LSR: variants seen among roughly 807,000 people sequenced by gnomAD.
LSR encodes lipolysis stimulated lipoprotein receptor.
Under a neutral mutation model 61.8 loss-of-function variants are expected in LSR, and 44 were observed. The ratio of observed to expected loss-of-function variants is 0.71; its 90% CI spans 0.56 to 0.91. The LOEUF (loss-of-function observed/expected upper bound fraction) is 0.91, where lower values mean the gene tolerates loss of function less well. Among genes scored for constraint, LSR ranks in the 40% least tolerant of loss-of-function variants. The pLI is 0.00. For missense variants in LSR, 911 were observed against 830.5 expected (o/e 1.10, Z -1.19); for synonymous variants, 397 against 350.6 (o/e 1.13, Z -1.48).
intron 2 of LSR, among the ~76,000 whole-genome samples, chr19:35,258,461 A>C (rs952573849): frequency 1.3e-5 from 2 of 151,842 alleles, no homozygotes; most frequent in Non-Finnish European, 1.5e-5. Flanking sequence ...CAAACAAAAA[A>C]AAAAAAAAGC....
Position 35,258,963 on chromosome 19 carries a change from A to G in LSR, c.473A>G (p.Asp158Gly). 6.2e-7 allele frequency: 1 copy of G among 1,613,836 alleles called. No homozygotes were observed. The highest frequency in any genetic ancestry group is 8.5e-7 in the Non-Finnish European group (1 of 1,179,942). The change falls in exon 3 of 10, where the codon GAC (aspartate) becomes GGC (glycine). Residue 158 changes from aspartate to glycine, a missense_variant. Transcript: ENST00000605618. ...GACTCAGATGCTGACCTGACCTTTG[A>G]CCAGACGGCGTGGGGGGACAGTGGT... Reference protein sequence around the residue: ...TITGNADLTFDQTAWGDSGVY... With the variant: ...TITGNADLTFGQTAWGDSGVY...
chr19:35,249,245 T>C (rs2145485398), intron 1 of LSR, 114 bp downstream of exon 1: 1 of 1,291,442 alleles, frequency 7.7e-7, no homozygotes, highest in South Asian at 1.5e-5. Context: ...GGCTGGGACC[T>C]TCCGATCCCC....
chr19:35,264,902 C>G (rs1052492099), intron 5 of LSR: 1 of 152,078 alleles, frequency 6.6e-6, no homozygotes, highest in African/African-American at 2.4e-5. Context: ...TCAGTAGTGA[C>G]TGAGGGACAG....
At chr19:35,250,786 G>A in intron 2 of LSR, 127 bp downstream of exon 2, 1 of 654,816 alleles carries the variant, frequency 1.5e-6, no homozygotes, top group Non-Finnish European at 2.4e-6. Context: ...ACCATTGAAG[G>A]GAGCAATTCT....
At chr19:35,252,648 CAAA>C (rs57052855) in intron 2 of LSR, among the ~76,000 whole-genome samples, 11 of 74,746 alleles carry the variant, frequency 1.5e-4, no homozygotes, top group Admixed American at 3.0e-4. Flanking sequence ...GACTCTGTCT[CAAA>C]AAAAAAAAAA....
chr19:35,250,469 C>T lies in LSR; in HGVS notation c.264C>T (p.Ile88=), dbSNP rs1422573650. ...ACAAGTCTTTCTGCCGGGACCGCAT[C>T]GCCGATGCCTTCTCCCCGGCCAGCG... The part of the protein sequence containing the change: ...WKYKSFCRDR[I]ADAFSPASVD... The change falls in exon 2 of 10, where the codon ATC becomes ATT. Residue 88 remains isoleucine (I), a synonymous_variant. Coordinates refer to ENST00000605618, the MANE Select transcript of LSR (RefSeq NM_205834.4). 6.2e-6 allele frequency: 10 copies of T among 1,613,972 alleles called. No individual in the cohort carries two copies. Among genetic ancestry groups the T allele is most frequent in the Admixed American group, 3.3e-5 (2 of 59,988 alleles).
chr19:35,249,407 G>A, intron 1 of LSR: 1 of 471,218 alleles, frequency 2.1e-6, no homozygotes, highest in Non-Finnish European at 3.7e-6. Flanking sequence ...AACTCTTTGT[G>A]GGGAGGGAGT....
At chr19:35,251,723 GTCCTC>G (rs2065794126) in intron 2 of LSR, 1 of 152,146 alleles carries the variant, frequency 6.6e-6, no homozygotes, top group East Asian at 1.9e-4. Context: ...CTCCCATTGA[GTCCTC>G]TCCTCTACCC....
At chr19:35,261,739 C>T (rs933488751) in intron 3 of LSR, among the ~76,000 whole-genome samples, 186 bp from the exon 4 acceptor site, 2 of 152,190 alleles carry the variant, frequency 1.3e-5, no homozygotes, top group African/African-American at 4.8e-5. Context: ...ATGGGAGTTT[C>T]TTACCTATAA....
chr19:35,249,031 G>T lies in LSR; in HGVS notation c.9G>T (p.Leu3=), dbSNP rs761026649. The T allele has an allele frequency of 6.3e-7, 1 of 1,599,862 alleles. No homozygotes were observed. Among genetic ancestry groups the T allele is most frequent in the South Asian group, 1.1e-5 (1 of 89,956 alleles). The change falls in exon 1 of 10, where the codon CTG becomes CTT. Residue 3 remains leucine (L), a synonymous_variant. Coordinates refer to ENST00000605618, the MANE Select transcript of LSR (RefSeq NM_205834.4). MA[L]LAGGLSRGLG... is the part of the protein sequence containing the mutation. ...GCGCCCAGACGGCCGCGATGGCGCT[G>T]TTGGCCGGCGGGCTCTCCAGAGGGC...
intron 3 of LSR, among the ~76,000 whole-genome samples, chr19:35,261,501 C>T (rs1448707926): frequency 1.3e-5 from 2 of 152,142 alleles, no homozygotes; most frequent in South Asian, 2.1e-4. Flanking sequence ...GAGCCATGAT[C>T]ACACCCCTGC....
At chr19:35,252,376 C>T (rs1599590863) in intron 2 of LSR, among the ~76,000 whole-genome samples, 1 of 151,786 alleles carries the variant, frequency 6.6e-6, no homozygotes, top group Non-Finnish European at 1.5e-5. Context: ...AGTCTGGGCA[C>T]GGTGGCTCAC....
intron 1 of LSR, 60 bp downstream of exon 1, chr19:35,249,191 G>C (rs934298135): frequency 3.7e-5 from 55 of 1,495,200 alleles, no homozygotes; most frequent in Non-Finnish European, 4.9e-5. Flanking sequence ...GAGGGGGATG[G>C]ATGGAGTTGG....
intron 2 of LSR, 137 bp downstream of exon 2, chr19:35,250,796 T>A: frequency 3.8e-5 from 4 of 105,984 alleles, no homozygotes; most frequent in South Asian, 3.4e-4. Context: ...GGAGCAATTC[T>A]TTTTTTTTTT....
At chr19:35,252,085 C>G (rs1411579113) in intron 2 of LSR, among the ~76,000 whole-genome samples, 1 of 151,568 alleles carries the variant, frequency 6.6e-6, no homozygotes, top group Non-Finnish European at 1.5e-5. Flanking sequence ...CCGCCCGCCT[C>G]GGCCTCCCAA....
At chr19:35,261,157 C>T (rs1191120004) in intron 3 of LSR, among the ~76,000 whole-genome samples, 2 of 152,100 alleles carry the variant, frequency 1.3e-5, no homozygotes, top group African/African-American at 4.8e-5. Flanking sequence ...TCCAGGGGCA[C>T]TCGAGGGAAG....
In LSR at chr19:35,259,046, G is replaced by A. The variant is rs373575043; in HGVS notation, c.556G>A (p.Ala186Thr). 20 of 1,613,852 alleles carry A rather than the reference G, an allele frequency of 1.2e-5. No homozygotes were observed. The highest frequency in any genetic ancestry group is 3.3e-5 in the Admixed American group (2 of 59,988). The change falls in exon 3 of 10, where the codon GCA becomes ACA. Residue 186 changes from alanine to threonine, a missense_variant. Transcript: ENST00000605618. ...CCTCCAGGGGAACAATGAGGCCTAC[G>A]CAGAGCTCATCGTCCTTGGTGAGTG... is the stretch of plus-strand genomic sequence containing the variant. Reference protein sequence around the residue: ...QDLQGNNEAYAELIVLGRTSG... With the variant: ...QDLQGNNEAYTELIVLGRTSG...
At position 35,267,474 on chromosome 19, in the gene LSR, G is replaced by C. The variant is rs1480097875; in HGVS notation, c.1510G>C (p.Asp504His). Residue 504 changes from aspartate to histidine, a missense_variant, in exon 9 of 10, where the codon GAC (aspartate) becomes CAC (histidine). Coordinates refer to ENST00000605618, the MANE Select transcript of LSR (RefSeq NM_205834.4). The part of the protein sequence containing the change: ...DFPRSRDPHY[D>H]DFRSRERPPA... ...CCCACGCTCCCGGGACCCCCACTAC[G>C]ACGACTTCAGGTCTCGGGAGCGCCC... 2 of 1,610,770 alleles carry C rather than the reference G, an allele frequency of 1.2e-6. No homozygotes were observed. The highest frequency in any genetic ancestry group is 1.7e-6 in the Non-Finnish European group (2 of 1,179,524).
intron 5 of LSR, among the ~76,000 whole-genome samples, chr19:35,266,010 G>A (rs941560915): frequency 6.6e-6 from 1 of 152,232 alleles, no homozygotes; most frequent in Admixed American, 6.5e-5. Context: ...GTTAGCTGGG[G>A]AGTTGGAAGT....
Sources: allele counts gnomAD v4.1 joint callset (sites outside exome capture counted in the v4.1 genomes callset), GRCh38; gene constraint gnomAD v4.1.1; transcripts MANE v1.5; gene names NCBI Gene and HGNC (gene_info 2026-07-23, HGNC 2026-07-21).